SV2C: variants seen among roughly 807,000 people sequenced by gnomAD.
The protein encoded by SV2C is synaptic vesicle glycoprotein 2C.
A neutral mutation model predicts 79.7 loss-of-function variants in SV2C; 49 were observed. The observed-to-expected ratio is 0.61, with a 90% CI of 0.49 to 0.78. The LOEUF (loss-of-function observed/expected upper bound fraction) is 0.78. Ranked by LOEUF, SV2C falls within the 30% of genes least tolerant of loss-of-function variation. The pLI, the probability that SV2C is intolerant of heterozygous loss-of-function variation, is 0.00. For synonymous variants in SV2C, 334 were observed against 333.2 expected (o/e 1.00, Z -0.03); for missense variants, 833 against 912.9 (o/e 0.91, Z 1.13).
chr5:75,988,085 C>T, the SV2C span, among the ~76,000 whole-genome samples: 1 of 152,012 alleles, frequency 6.6e-6, no homozygotes, highest in African/African-American at 2.4e-5. Flanking sequence ...TTTTCATCCT[C>T]CCAGACTTTC....
At chr5:76,264,776 G>A (rs1311703966) in intron 4 of SV2C, among the ~76,000 whole-genome samples, 1 of 152,192 alleles carries the variant, frequency 6.6e-6, no homozygotes, top group East Asian at 1.9e-4. Flanking sequence ...CTACAGAACA[G>A]TAAAGATTCC....
intron 2 of SV2C, among the ~76,000 whole-genome samples, chr5:76,141,163 C>T (rs887684827): frequency 3.9e-5 from 6 of 152,170 alleles, no homozygotes; most frequent in Non-Finnish European, 7.3e-5. Flanking sequence ...GAGTCGGGTT[C>T]ACTTTCACAG....
intron 2 of SV2C, among the ~76,000 whole-genome samples, chr5:76,190,146 A>T (rs953972496): frequency 6.6e-6 from 1 of 152,186 alleles, no homozygotes; most frequent in Non-Finnish European, 1.5e-5. Flanking sequence ...GGTTGGTGAA[A>T]TGAAAACTGG....
intron 2 of SV2C, among the ~76,000 whole-genome samples, chr5:76,140,495 T>G (rs1580300112): frequency 6.6e-6 from 1 of 152,264 alleles, no homozygotes; most frequent in Non-Finnish European, 1.5e-5. Flanking sequence ...AAACAACAGC[T>G]TCAAGTTTCT....
intron 1 of SV2C, among the ~76,000 whole-genome samples, chr5:76,129,455 A>G (rs1014117150): frequency 6.6e-6 from 1 of 152,236 alleles, no homozygotes; most frequent in Non-Finnish European, 1.5e-5. Context: ...GATTTCTGCA[A>G]GAATTTTTTC....
At chr5:76,016,610 A>T in the SV2C span, among the ~76,000 whole-genome samples, 2 of 152,324 alleles carry the variant, frequency 1.3e-5, no homozygotes, top group South Asian at 4.1e-4. Flanking sequence ...AAAATGGTAT[A>T]AATGGTAAAG....
At chr5:75,989,325 C>T in the SV2C span, among the ~76,000 whole-genome samples, 1 of 150,908 alleles carries the variant, frequency 6.6e-6, no homozygotes, top group South Asian at 2.1e-4. Context: ...TGTGACAGGC[C>T]CCATGTGTCC....
At chr5:76,070,154 G>T in the SV2C span, among the ~76,000 whole-genome samples, 1 of 152,132 alleles carries the variant, frequency 6.6e-6, no homozygotes, top group Non-Finnish European at 1.5e-5. Flanking sequence ...CTCTCATCCT[G>T]GAGAGGAGAC....
At chr5:75,920,003 C>A in the SV2C span, among the ~76,000 whole-genome samples, 1 of 152,320 alleles carries the variant, frequency 6.6e-6, no homozygotes, top group Non-Finnish European at 1.5e-5. Flanking sequence ...GATTCATTGC[C>A]TTTGGGTATG....
the SV2C span, among the ~76,000 whole-genome samples, chr5:75,889,602 C>A: frequency 2.6e-5 from 4 of 151,970 alleles, no homozygotes; most frequent in Non-Finnish European, 4.4e-5. Flanking sequence ...TTAGTGACCA[C>A]ATTTTAACTT....
chr5:75,968,724 G>C, the SV2C span, among the ~76,000 whole-genome samples: 56 of 152,324 alleles, frequency 3.7e-4, 1 homozygote, highest in East Asian at 9.9e-3. Flanking sequence ...AGTGATAGGA[G>C]AATGGAACCA....
chr5:75,951,168 T>C, the SV2C span, among the ~76,000 whole-genome samples: 1 of 151,946 alleles, frequency 6.6e-6, no homozygotes, highest in Non-Finnish European at 1.5e-5. Flanking sequence ...ATTTATGTGG[T>C]CTTACAGAGG....
the SV2C span, among the ~76,000 whole-genome samples, chr5:75,973,652 T>C: frequency 5.8e-4 from 88 of 152,222 alleles, no homozygotes; most frequent in African/African-American, 1.9e-3. Flanking sequence ...TGATTAGGTT[T>C]ATATTTAGCC....
chr5:76,234,455 G>A (rs1268323993), intron 4 of SV2C, among the ~76,000 whole-genome samples: 1 of 152,180 alleles, frequency 6.6e-6, no homozygotes, highest in African/African-American at 2.4e-5. Flanking sequence ...AGTTTTCTTA[G>A]AGGAAAGTTT....
At chr5:76,248,871 G>T (rs771956081) in intron 4 of SV2C, among the ~76,000 whole-genome samples, 10 of 152,082 alleles carry the variant, frequency 6.6e-5, no homozygotes, top group Non-Finnish European at 1.3e-4. Flanking sequence ...CACCTGCCTT[G>T]GTCTCCCAAA....
At chr5:76,294,180 A>C (rs999134094) in intron 8 of SV2C, among the ~76,000 whole-genome samples, 3 of 152,126 alleles carry the variant, frequency 2.0e-5, no homozygotes, top group Admixed American at 6.5e-5. Context: ...AGTCTAATAG[A>C]GGTATCGTGT....
At chr5:76,343,538 G>A (rs191000192) in intron 12 of SV2C, among the ~76,000 whole-genome samples, 213 of 152,180 alleles carry the variant, frequency 1.4e-3, no homozygotes, top group Non-Finnish European at 5.6e-4. Flanking sequence ...TCCCCCAAAT[G>A]GCTAAAATTT....
At chr5:76,065,525 C>A in the SV2C span, among the ~76,000 whole-genome samples, 49 of 152,214 alleles carry the variant, frequency 3.2e-4, no homozygotes, top group African/African-American at 1.2e-3. Flanking sequence ...AAAATTTATT[C>A]TTTCTAGTTA....
At chr5:76,254,255 TATAGAG>T (rs1746204310) in intron 4 of SV2C, among the ~76,000 whole-genome samples, 2 of 147,710 alleles carry the variant, frequency 1.4e-5, no homozygotes, top group Non-Finnish European at 3.0e-5. Flanking sequence ...TATATATATA[TATAGAG>T]AGAGAGAGAG....
Sources: allele counts gnomAD v4.1 joint callset (sites outside exome capture counted in the v4.1 genomes callset), GRCh38; gene constraint gnomAD v4.1.1; transcripts MANE v1.5; gene names NCBI Gene and HGNC (gene_info 2026-07-23, HGNC 2026-07-21).